The following ADAMTS17 variants were observed in gnomAD, a reference collection of about 807,000 sequenced individuals.
The protein encoded by ADAMTS17 is A disintegrin and metalloproteinase with thrombospondin motifs 17.
In ADAMTS17, 113 loss-of-function variants were observed where a neutral mutation model predicts 141.5. The observed-to-expected ratio is 0.80, with a 90% CI of 0.69 to 0.93. The LOEUF is 0.93. ADAMTS17 is among the 40% of genes least tolerant of loss of function. The pLI, the probability that ADAMTS17 is intolerant of heterozygous loss-of-function variation, is 0.00. For synonymous variants in ADAMTS17, 768 were observed against 630.6 expected (o/e 1.22, Z -3.27); for missense variants, 1,659 against 1,517.9 (o/e 1.09, Z -1.54).
At chr15:100,196,273 G>A (rs1246740040) in intron 8 of ADAMTS17, among the ~76,000 whole-genome samples, 2 of 152,224 alleles carry the variant, frequency 1.3e-5, no homozygotes, top group Non-Finnish European at 2.9e-5. Flanking sequence ...AAAGAGAAGA[G>A]GGAGGAAAGT....
chr15:100,316,649 C>T (rs774206085), intron 3 of ADAMTS17, among the ~76,000 whole-genome samples: 1 of 152,260 alleles, frequency 6.6e-6, no homozygotes, highest in Admixed American at 6.5e-5. Context: ...GGGAAACCCA[C>T]TCTATGGAAG....
At chr15:100,160,276 A>T (rs2039630744) in intron 8 of ADAMTS17, among the ~76,000 whole-genome samples, 1 of 152,174 alleles carries the variant, frequency 6.6e-6, no homozygotes, top group African/African-American at 2.4e-5. Flanking sequence ...CTGGGGCACA[A>T]GTCGATGGAG....
intron 7 of ADAMTS17, among the ~76,000 whole-genome samples, chr15:100,239,069 A>T (rs1444180481): frequency 6.6e-6 from 1 of 152,216 alleles, no homozygotes; most frequent in Non-Finnish European, 1.5e-5. Context: ...CAGCCTGGGC[A>T]ACAGAGCGAG....
At chr15:100,092,516 G>T (rs1310759336) in intron 15 of ADAMTS17, among the ~76,000 whole-genome samples, 1 of 152,150 alleles carries the variant, frequency 6.6e-6, no homozygotes, top group Non-Finnish European at 1.5e-5. Flanking sequence ...AAAGAAATAC[G>T]TTGTAATTGG....
intron 7 of ADAMTS17, among the ~76,000 whole-genome samples, chr15:100,203,213 C>G (rs1015002679): frequency 1.3e-5 from 2 of 152,132 alleles, no homozygotes; most frequent in African/African-American, 4.8e-5. Context: ...GTGGCTCACT[C>G]CAACTCTACT....
In ADAMTS17 at chr15:100,137,693, A is replaced by C. The variant is rs997708260; in HGVS notation, c.1474-4378T>G. 4.6e-5 allele frequency among the ~76,000 whole-genome samples: 7 copies of C among 152,342 alleles called. No individual in the cohort carries two copies. In the East Asian group the frequency reaches 1.3e-3, roughly 29 times the overall value. ...GGAAATATTCGAGGAAGCAAATACA[A>C]AACCCATACCCAGCTGTCTTTATAC... On this transcript the variant is annotated intron_variant, in intron 10 of 21. Coordinates refer to ENST00000268070, the MANE Select transcript of ADAMTS17 (RefSeq NM_139057.4).
intron 3 of ADAMTS17, among the ~76,000 whole-genome samples, chr15:100,286,736 T>G (rs908976948): frequency 6.6e-5 from 10 of 151,996 alleles, no homozygotes; most frequent in Admixed American, 1.3e-4. Context: ...ATAAACACAC[T>G]GGCAACTCAA....
intron 18 of ADAMTS17, among the ~76,000 whole-genome samples, chr15:100,048,621 G>A (rs1596300012): frequency 8.7e-6 from 1 of 115,448 alleles, no homozygotes; most frequent in East Asian, 2.8e-4. Flanking sequence ...TTTTTGCCAT[G>A]AGATGTTACT....
At chr15:100,094,175 G>A (rs188282340) in intron 15 of ADAMTS17, among the ~76,000 whole-genome samples, 6 of 152,352 alleles carry the variant, frequency 3.9e-5, no homozygotes, top group African/African-American at 1.2e-4. Context: ...TGAAGCGAAC[G>A]TGTGCTTATT....
At chr15:100,063,041 C>T (rs559530082) in intron 15 of ADAMTS17, among the ~76,000 whole-genome samples, 1 of 152,196 alleles carries the variant, frequency 6.6e-6, no homozygotes, top group Admixed American at 6.5e-5. Flanking sequence ...AGGATACCCT[C>T]AGAAGGTCTT....
chr15:100,255,992 G>T (rs945607944), intron 6 of ADAMTS17, among the ~76,000 whole-genome samples: 34 of 152,220 alleles, frequency 2.2e-4, no homozygotes, highest in Admixed American at 2.2e-3. Context: ...TCTTGAAAAG[G>T]TCAGCCGAAT....
intron 17 of ADAMTS17, 25 bp downstream of exon 17, chr15:100,051,547 C>G (rs536772061): frequency 1.2e-6 from 2 of 1,612,668 alleles, no homozygotes; most frequent in South Asian, 2.2e-5. Flanking sequence ...CCACACCCAA[C>G]AGGTCATGGA....
At chr15:100,161,800 G>A (rs2039703841) in intron 8 of ADAMTS17, among the ~76,000 whole-genome samples, 4 of 152,270 alleles carry the variant, frequency 2.6e-5, no homozygotes, top group South Asian at 2.1e-4. Flanking sequence ...GAAGAACAGG[G>A]TCAATTTCCA....
At chr15:100,295,228 G>A (rs540547089) in intron 3 of ADAMTS17, among the ~76,000 whole-genome samples, 4 of 152,244 alleles carry the variant, frequency 2.6e-5, no homozygotes, top group African/African-American at 9.6e-5. Flanking sequence ...GAACAGAAAG[G>A]TCTCCATTTC....
chr15:100,151,069 G>A (rs926229301), intron 10 of ADAMTS17, among the ~76,000 whole-genome samples: 1 of 152,164 alleles, frequency 6.6e-6, no homozygotes, highest in Non-Finnish European at 1.5e-5. Flanking sequence ...TGCTGGGGAC[G>A]ATCACATCCT....
At chr15:100,140,484 C>CAT (rs1164353969) in intron 10 of ADAMTS17, among the ~76,000 whole-genome samples, 4 of 40,828 alleles carry the variant, frequency 9.8e-5, no homozygotes, top group South Asian at 2.3e-3. Context: ...CACACACATA[C>CAT]ATACATATAT....
intron 3 of ADAMTS17, among the ~76,000 whole-genome samples, chr15:100,318,411 G>T (rs1451371384): frequency 1.3e-5 from 2 of 152,040 alleles, no homozygotes; most frequent in African/African-American, 4.8e-5. Context: ...TCATGAGGGT[G>T]GGGCCCTCAT....
At chr15:100,260,106 A>G (rs2043464510) in intron 6 of ADAMTS17, among the ~76,000 whole-genome samples, 1 of 151,860 alleles carries the variant, frequency 6.6e-6, no homozygotes, top group Non-Finnish European at 1.5e-5. Flanking sequence ...CAGCCTCCCA[A>G]AGTGCTGGGA....
chr15:100,236,564 G>T (rs2042661945), intron 7 of ADAMTS17, among the ~76,000 whole-genome samples: 1 of 152,128 alleles, frequency 6.6e-6, no homozygotes, highest in African/African-American at 2.4e-5. Context: ...CAAAAAAACG[G>T]CAGTAGCTCA....
Sources: gnomAD v4.1 joint callset for allele counts (sites outside exome capture counted in the v4.1 genomes callset) on GRCh38, gnomAD v4.1.1 for gene constraint, MANE v1.5 for transcripts, NCBI Gene and HGNC (gene_info 2026-07-23, HGNC 2026-07-21) for gene names.